Variants in NCKAP5 observed in about 807,000 individuals in gnomAD.
The protein encoded by NCKAP5 is nck-associated protein 5.
A neutral mutation model predicts 167.0 loss-of-function variants in NCKAP5; 92 were observed. That is an observed-to-expected ratio of 0.55 (90% CI 0.47 to 0.66). The LOEUF (loss-of-function observed/expected upper bound fraction) is 0.66. Among genes scored for constraint, NCKAP5 ranks in the 30% least tolerant of loss-of-function variants. NCKAP5 has a pLI of 0.00. For missense variants in NCKAP5, 2,378 were observed against 2,315.0 expected, an observed-to-expected ratio of 1.03 and a Z score of -0.56; for synonymous variants, 891 against 877.4, an observed-to-expected ratio of 1.02 and a Z score of -0.27.
intron 3 of NCKAP5, among the ~76,000 whole-genome samples, chr2:133,356,915 G>A (rs13411233): frequency 0.17 from 25,828 of 152,016 alleles, 2,288 homozygotes; most frequent in Non-Finnish European, 0.2. Flanking sequence ...ATTCCTTCTC[G>A]TGCAATTCAA....
upstream of NCKAP5, among the ~76,000 whole-genome samples, chr2:133,570,247 C>A (rs1688815850): frequency 1.3e-5 from 2 of 152,088 alleles, no homozygotes; most frequent in South Asian, 4.2e-4. Flanking sequence ...AAAGAACTTT[C>A]ACATTTGTAT....
chr2:133,172,068 A>C (rs1466089200), intron 5 of NCKAP5, among the ~76,000 whole-genome samples: 1 of 152,200 alleles, frequency 6.6e-6, no homozygotes, highest in Non-Finnish European at 1.5e-5. Flanking sequence ...CTTTGAAAAC[A>C]CTTTTGTTTA....
chr2:133,452,354 AATGGGATT>A lies in NCKAP5; in HGVS notation c.69+65096_69+65103del, dbSNP rs1333989554. Among the ~76,000 whole-genome samples the A allele has an allele frequency of 3.3e-5, 5 of 152,172 alleles. No individual in the cohort carries two copies. In the East Asian group the frequency reaches 9.6e-4, roughly 29 times the overall value. Reference sequence around the variant, plus strand: ...AGCAGTTGTGCAGGCAGTGCATATGAATGGGATTATGGGATCAGGGGAAGCCCTGATTA... The same window carrying A: ...AGCAGTTGTGCAGGCAGTGCATATGAATGGGATCAGGGGAAGCCCTGATTA... On this transcript the variant is annotated intron_variant, in intron 3 of 19. Coordinates refer to ENST00000409261, the MANE Select transcript of NCKAP5 (RefSeq NM_207363.3).
chr2:133,523,663 T>C (rs1271223625), intron 2 of NCKAP5, among the ~76,000 whole-genome samples: 1 of 152,182 alleles, frequency 6.6e-6, no homozygotes, highest in Non-Finnish European at 1.5e-5. Flanking sequence ...CCGGTCAGCT[T>C]CGTTAAGCAA....
At chr2:133,262,640 G>A (rs750933824) in intron 4 of NCKAP5, among the ~76,000 whole-genome samples, 20 of 152,296 alleles carry the variant, frequency 1.3e-4, no homozygotes, top group East Asian at 7.7e-4. Flanking sequence ...AGCAATCCCC[G>A]TCGGGGCAAC....
chr2:133,482,759 A>G (rs1036837304), intron 3 of NCKAP5, among the ~76,000 whole-genome samples: 1 of 152,186 alleles, frequency 6.6e-6, no homozygotes, highest in Admixed American at 6.5e-5. Context: ...TGTTCCCACC[A>G]ACAGTGTAAT....
intron 3 of NCKAP5, among the ~76,000 whole-genome samples, chr2:133,330,930 G>A (rs1682810699): frequency 6.6e-6 from 1 of 152,060 alleles, no homozygotes; most frequent in Admixed American, 6.6e-5. Flanking sequence ...CATATACTAT[G>A]TTCTAAGCAC....
intron 4 of NCKAP5, among the ~76,000 whole-genome samples, chr2:133,285,668 T>G (rs1679065732): frequency 6.6e-6 from 1 of 152,162 alleles, no homozygotes; most frequent in Non-Finnish European, 1.5e-5. Context: ...ACCATCACGA[T>G]ACGAGAGCAA....
intron 7 of NCKAP5, 89 bp from the exon 8 acceptor site, chr2:132,963,958 G>T: frequency 7.0e-7 from 1 of 1,423,700 alleles, no homozygotes; most frequent in Non-Finnish European, 9.7e-7. Context: ...TCATTCTCCT[G>T]CGTGTGCATT....
chr2:133,211,737 C>CA (rs2086220196), intron 5 of NCKAP5, among the ~76,000 whole-genome samples: 1 of 152,156 alleles, frequency 6.6e-6, no homozygotes, highest in South Asian at 2.1e-4. Flanking sequence ...CCAATCAATA[C>CA]AAACGTGTGA....
At chr2:132,923,993 C>T (rs1008578312) in intron 8 of NCKAP5, among the ~76,000 whole-genome samples, 2 of 152,094 alleles carry the variant, frequency 1.3e-5, no homozygotes, top group Non-Finnish European at 1.5e-5. Context: ...CAGGAGACAC[C>T]AGACATAAAC....
In NCKAP5 at chr2:132,783,486, C is replaced by A; in HGVS notation, c.3325G>T (p.Glu1109Ter). The change falls in exon 14 of 20, where the codon GAG (glutamate) becomes TAG (stop). Residue 1109 changes from glutamate (E) to a stop codon, truncating the protein, a stop_gained. Transcript: ENST00000409261. LOFTEE classifies it high-confidence loss of function. ...PPKPSFLGVNESPSSQVSSSS... is the reference protein window; with the variant it reads ...PPKPSFLGVN ...CTGCTGACCTGAGATGATGGTGACT[C>A]ATTTACCCCTAAGAAGGAAGGCTTG... 1 of 1,602,974 alleles carries A rather than the reference C, an allele frequency of 6.2e-7. No individual in the cohort carries two copies. The highest frequency in any genetic ancestry group is 8.5e-7 in the Non-Finnish European group (1 of 1,174,648).
intron 6 of NCKAP5, among the ~76,000 whole-genome samples, chr2:133,038,769 G>T (rs943330520): frequency 1.3e-5 from 2 of 151,576 alleles, no homozygotes; most frequent in Non-Finnish European, 2.9e-5. Flanking sequence ...TATGTACCCA[G>T]AAAAATTAAA....
At chr2:133,002,361 A>G (rs1024505064) in intron 6 of NCKAP5, among the ~76,000 whole-genome samples, 2 of 152,218 alleles carry the variant, frequency 1.3e-5, no homozygotes, top group Non-Finnish European at 2.9e-5. Flanking sequence ...CAACAATAAC[A>G]ACTAATAATC....
chr2:133,098,882 A>G (rs2081420222), intron 6 of NCKAP5, among the ~76,000 whole-genome samples: 1 of 152,228 alleles, frequency 6.6e-6, no homozygotes, highest in African/African-American at 2.4e-5. Flanking sequence ...CAAGAGCACA[A>G]GCATAAATTG....
At chr2:132,867,176 AT>A (rs1558876329) in intron 10 of NCKAP5, among the ~76,000 whole-genome samples, 1 of 151,868 alleles carries the variant, frequency 6.6e-6, no homozygotes, top group African/African-American at 2.4e-5. Context: ...ATCGTACCAA[AT>A]GGCTTCCTTG....
At chr2:133,125,532 TA>T (rs1307425938) in intron 6 of NCKAP5, among the ~76,000 whole-genome samples, 1 of 152,116 alleles carries the variant, frequency 6.6e-6, no homozygotes, top group Non-Finnish European at 1.5e-5. Context: ...TAACCCCTCA[TA>T]AAATATGCCC....
At chr2:132,846,056 C>A (rs115952347) in intron 11 of NCKAP5, among the ~76,000 whole-genome samples, 1 of 152,000 alleles carries the variant, frequency 6.6e-6, no homozygotes, top group Non-Finnish European at 1.5e-5. Flanking sequence ...AATCTTTTCT[C>A]AATTACATTT....
chr2:133,207,244 A>G (rs1559267097), intron 5 of NCKAP5, among the ~76,000 whole-genome samples: 1 of 151,932 alleles, frequency 6.6e-6, no homozygotes, highest in African/African-American at 2.4e-5. Flanking sequence ...CAGCTGCAAA[A>G]TTTCTCTCTT....
Sources: gnomAD v4.1 joint callset for allele counts (sites outside exome capture counted in the v4.1 genomes callset) on GRCh38, gnomAD v4.1.1 for gene constraint, MANE v1.5 for transcripts, NCBI Gene and HGNC (gene_info 2026-07-23, HGNC 2026-07-21) for gene names.